Variants in CREBL2 observed in about 807,000 individuals in gnomAD.
The protein encoded by CREBL2 is cAMP-responsive element-binding protein-like 2.
A neutral mutation model predicts 19.5 loss-of-function variants in CREBL2; 4 were observed. The ratio of observed to expected loss-of-function variants is 0.20; its 90% confidence interval spans 0.10 to 0.47. CREBL2 has a LOEUF of 0.47. Among genes scored for constraint, CREBL2 ranks in the 20% least tolerant of loss-of-function variants. The pLI is 0.98. For synonymous variants in CREBL2, 42 were observed against 46.6 expected (o/e 0.90, Z 0.40); for missense variants, 85 against 145.1 (o/e 0.59, Z 2.13).
At chr12:12,638,208 A>G (rs1945490420) in intron 3 of CREBL2, among the ~76,000 whole-genome samples, 1 of 152,182 alleles carries the variant, frequency 6.6e-6, no homozygotes, top group African/African-American at 2.4e-5. Context: ...TGGGAGGCTG[A>G]GGTGGGCAGA....
At chr12:12,620,834 A>G (rs1197361059) in intron 1 of CREBL2, among the ~76,000 whole-genome samples, 2 of 152,344 alleles carry the variant, frequency 1.3e-5, no homozygotes, top group Middle Eastern at 3.4e-3. Context: ...CTCAGGGAAC[A>G]TTTTATTGGG....
chr12:12,641,990 TC>T lies in CREBL2; in HGVS notation c.359-3del. The T allele has an allele frequency of 6.4e-7, 1 of 1,553,464 alleles. No individual in the cohort carries two copies. The highest frequency in any genetic ancestry group is 8.8e-7 in the Non-Finnish European group (1 of 1,131,450). Reference sequence around the variant, plus strand: ...TTCTTACATTGGTAACTTTTATTTTTCAGGGTGAAGATTATATAAAGATGAG... The same window carrying T: ...TTCTTACATTGGTAACTTTTATTTTTAGGGTGAAGATTATATAAAGATGAG... On this transcript the variant is annotated splice_region_variant and splice_polypyrimidine_tract_variant and intron_variant, in intron 3 of 3. Coordinates refer to ENST00000228865, the MANE Select transcript of CREBL2 (RefSeq NM_001310.4).
intron 1 of CREBL2, among the ~76,000 whole-genome samples, chr12:12,622,575 C>A (rs553222756): frequency 6.6e-6 from 1 of 152,212 alleles, no homozygotes; most frequent in African/African-American, 2.4e-5. Context: ...GAAGTTAACT[C>A]TCAGGCTAGA....
chr12:12,620,446 T>C (rs1945350944), intron 1 of CREBL2, among the ~76,000 whole-genome samples: 1 of 152,030 alleles, frequency 6.6e-6, no homozygotes, highest in Non-Finnish European at 1.5e-5. Flanking sequence ...TCCAGGCTGG[T>C]TTCAGACTCC....
chr12:12,623,932 T>C (rs1945380833), intron 1 of CREBL2, among the ~76,000 whole-genome samples: 1 of 152,128 alleles, frequency 6.6e-6, no homozygotes, highest in African/African-American at 2.4e-5. Flanking sequence ...CAGATTGCAG[T>C]GATGTGGCTA....
intron 1 of CREBL2, among the ~76,000 whole-genome samples, chr12:12,617,643 C>CTTTTTTT (rs66943066): frequency 4.1e-4 from 16 of 38,762 alleles, no homozygotes; most frequent in Non-Finnish European, 4.3e-4. Context: ...TTTAGTAATT[C>CTTTTTTT]TTTTTTTTTT....
intron 1 of CREBL2, among the ~76,000 whole-genome samples, chr12:12,635,411 A>G (rs1468920754): frequency 3.3e-5 from 5 of 151,812 alleles, no homozygotes; most frequent in African/African-American, 4.8e-5. Context: ...AATATTTAGT[A>G]GACATTTTTC....
At chr12:12,634,883 C>A (rs1421327930) in intron 1 of CREBL2, among the ~76,000 whole-genome samples, 1 of 152,018 alleles carries the variant, frequency 6.6e-6, no homozygotes, top group Non-Finnish European at 1.5e-5. Flanking sequence ...TAGCAAGACA[C>A]CATCTCTACA....
chr12:12,618,010 C>T (rs992014204), intron 1 of CREBL2, among the ~76,000 whole-genome samples: 1 of 152,084 alleles, frequency 6.6e-6, no homozygotes, highest in Admixed American at 6.5e-5. Flanking sequence ...TAACAGCATC[C>T]CAAGGCAGAA....
At chr12:12,639,097 G>C (rs1945498553) in intron 3 of CREBL2, among the ~76,000 whole-genome samples, 1 of 152,072 alleles carries the variant, frequency 6.6e-6, no homozygotes, top group South Asian at 2.1e-4. Context: ...TCTGGCTTCT[G>C]TCACCTAGTA....
At chr12:12,617,982 G>T (rs1434323422) in intron 1 of CREBL2, among the ~76,000 whole-genome samples, 2 of 152,030 alleles carry the variant, frequency 1.3e-5, no homozygotes, top group East Asian at 3.9e-4. Context: ...GCACGGGGTT[G>T]GGGGTAAGGT....
intron 1 of CREBL2, among the ~76,000 whole-genome samples, chr12:12,613,990 C>CTTTTTT (rs57522744): frequency 9.6e-5 from 7 of 72,944 alleles, no homozygotes; most frequent in Admixed American, 1.9e-4. Context: ...TCTTTTTTTT[C>CTTTTTT]TTTTTTTTTT....
Position 12,642,294 on chromosome 12 carries a change from G to C in CREBL2, c.*296G>C. On this transcript the variant is annotated 3_prime_UTR_variant, in exon 4 of 4. Coordinates refer to ENST00000228865, the MANE Select transcript of CREBL2 (RefSeq NM_001310.4). ...GGAGTAGAGAAAATCGATGAAGATT[G>C]TATTTTTGCACCTTAACTCCACATT... is the stretch of plus-strand genomic sequence containing the variant. 1 of 272,276 alleles carries C rather than the reference G, an allele frequency of 3.7e-6. No homozygotes were observed. Among genetic ancestry groups the C allele is most frequent in the South Asian group, 1.5e-4 (1 of 6,584 alleles). 16.9% of individuals were successfully genotyped at this position (272,276 alleles called of 1,614,324 possible). A position where few individuals can be genotyped will look rare whatever the true frequency, so the allele number is the denominator to read the frequency against.
At position 12,617,738 on chromosome 12, in the gene CREBL2, A is replaced by G. The variant is rs570630601; in HGVS notation, c.15+5551A>G. Among the ~76,000 whole-genome samples the G allele has an allele frequency of 9.3e-5, 13 of 139,576 alleles. No homozygotes were observed. In the East Asian group the frequency reaches 2.2e-3, roughly 24 times the overall value. The allele number at this position is 139,576 out of a possible 152,430, so 91.6% of individuals were successfully genotyped here. A position where few individuals can be genotyped will look rare whatever the true frequency, so the allele number is the denominator to read the frequency against. On this transcript the variant is annotated intron_variant, in intron 1 of 3. Transcript: ENST00000228865. ...AGAGAGGGGGATTTGGCAGGGTCAC[A>G]GGACAATAGTGGAGGGAAGGTCAGC...
chr12:12,615,820 T>G (rs1003318583), intron 1 of CREBL2: 3 of 152,300 alleles, frequency 2.0e-5, no homozygotes, highest in Non-Finnish European at 4.4e-5. Flanking sequence ...TAGGTTTCCA[T>G]GTATGTGGCC....
At chr12:12,614,563 G>T in intron 1 of CREBL2, 1 of 200,090 alleles carries the variant, frequency 5.0e-6, no homozygotes, top group Non-Finnish European at 1.0e-5. Context: ...GAACTCCTGG[G>T]CTCAAAGCAA....
intron 1 of CREBL2, among the ~76,000 whole-genome samples, 188 bp from the exon 2 acceptor site, chr12:12,635,589 T>G (rs1945468963): frequency 6.6e-6 from 1 of 152,168 alleles, no homozygotes; most frequent in African/African-American, 2.4e-5. Context: ...ACATTCATGG[T>G]TTCAAAAGTG....
chr12:12,641,489 A>T lies in CREBL2; in HGVS notation c.359-505A>T, dbSNP rs997612300. Among the ~76,000 whole-genome samples the T allele has an allele frequency of 2.6e-5, 4 of 151,578 alleles. No homozygotes were observed. The South Asian group carries it at 8.3e-4, about 32-fold the overall frequency. On this transcript the variant is annotated intron_variant, in intron 3 of 3. Coordinates refer to ENST00000228865, the MANE Select transcript of CREBL2 (RefSeq NM_001310.4). Reference sequence around the variant, plus strand: ...CACCCGGCTAATTTTTTGTATTTTTAGTAGAGACAGGGTTTCACCATGTTG... The same window carrying T: ...CACCCGGCTAATTTTTTGTATTTTTTGTAGAGACAGGGTTTCACCATGTTG...
In CREBL2 at chr12:12,618,053, T is replaced by G. The variant is rs574611659; in HGVS notation, c.15+5866T>G. Among the ~76,000 whole-genome samples, 18 of 152,330 alleles carry G rather than the reference T, an allele frequency of 1.2e-4. No homozygotes were observed. The South Asian group carries it at 1.2e-3, about 11-fold the overall frequency. Reference sequence around the variant, plus strand: ...TCTTAGTACAGAACAAAATGGAGTCTCCTATGTCTACTTCGTTCTACACAG... The same window carrying G: ...TCTTAGTACAGAACAAAATGGAGTCGCCTATGTCTACTTCGTTCTACACAG... On this transcript the variant is annotated intron_variant, in intron 1 of 3. Coordinates refer to ENST00000228865, the MANE Select transcript of CREBL2 (RefSeq NM_001310.4).
Sources: gnomAD v4.1 joint callset for allele counts (sites outside exome capture counted in the v4.1 genomes callset) on GRCh38, gnomAD v4.1.1 for gene constraint, MANE v1.5 for transcripts, NCBI Gene and HGNC (gene_info 2026-07-23, HGNC 2026-07-21) for gene names.